The following ATP6V1H variants were observed in gnomAD, a reference collection of about 807,000 sequenced individuals.
The protein encoded by ATP6V1H is V-type proton ATPase subunit H.
A neutral mutation model predicts 71.7 loss-of-function variants in ATP6V1H; 39 were observed. The ratio of observed to expected loss-of-function variants is 0.54; its 90% confidence interval spans 0.42 to 0.71. The LOEUF is 0.71. ATP6V1H is among the 30% of genes least tolerant of loss of function. The pLI is 0.00. For synonymous variants in ATP6V1H, 192 were observed against 199.3 expected (o/e 0.96, Z 0.31); for missense variants, 509 against 594.9 (o/e 0.86, Z 1.50).
At chr8:53,832,941 G>A in intron 3 of ATP6V1H, 43 bp downstream of exon 3, 1 of 1,341,680 alleles carries the variant, frequency 7.5e-7, no homozygotes, top group Non-Finnish European at 1.0e-6. Context: ...TAAACTTTTG[G>A]ATGACACGGG....
At chr8:53,786,314 C>G (rs1268887673) in intron 9 of ATP6V1H, among the ~76,000 whole-genome samples, 1 of 152,196 alleles carries the variant, frequency 6.6e-6, no homozygotes, top group Non-Finnish European at 1.5e-5. Context: ...ATCGAGCCTC[C>G]GTGGGCACAG....
chr8:53,829,056 G>A (rs1481337152), intron 4 of ATP6V1H, among the ~76,000 whole-genome samples: 2 of 152,176 alleles, frequency 1.3e-5, no homozygotes, highest in African/African-American at 4.8e-5. Flanking sequence ...AACCTCCAGG[G>A]CCCGGCACTG....
intron 9 of ATP6V1H, among the ~76,000 whole-genome samples, chr8:53,782,084 A>C (rs1309087100): frequency 6.6e-6 from 1 of 152,200 alleles, no homozygotes; most frequent in African/African-American, 2.4e-5. Flanking sequence ...GAAGAAAGTC[A>C]TTGGTAGCTT....
Position 53,826,784 on chromosome 8 carries a change from T to TA in ATP6V1H, c.306+2659dup, listed in dbSNP as rs59062668. ...CAACATGGTAAAACCCCGTCTCTAC[T>TA]AAAAAAAAAAATATAAAAATTAGCC... On this transcript the variant is annotated intron_variant, in intron 4 of 13. Coordinates refer to ENST00000359530, the MANE Select transcript of ATP6V1H (RefSeq NM_015941.4). Among the ~76,000 whole-genome samples, 702 of 144,296 alleles carry TA rather than the reference T, an allele frequency of 4.9e-3. 20 individuals are homozygous for TA. In the East Asian group the frequency reaches 0.092, roughly 19 times the overall value. The allele number at this position is 144,296 out of a possible 152,430, so 94.7% of individuals were successfully genotyped here.
intron 6 of ATP6V1H, among the ~76,000 whole-genome samples, chr8:53,812,002 T>C (rs1585814310): frequency 6.6e-6 from 1 of 152,094 alleles, no homozygotes; most frequent in Non-Finnish European, 1.5e-5. Flanking sequence ...AAAACACTTG[T>C]GACAGAGAAA....
chr8:53,782,384 T>C lies in ATP6V1H; in HGVS notation c.871-10217A>G, dbSNP rs996761797. On this transcript the variant is annotated intron_variant, in intron 9 of 13. Transcript: ENST00000359530. Reference sequence around the variant, plus strand: ...TAGGAATGCTTGTGATTTTTGCACATTGATTTTGTATCCTGAGACTTTGCT... The same window carrying C: ...TAGGAATGCTTGTGATTTTTGCACACTGATTTTGTATCCTGAGACTTTGCT... Among the ~76,000 whole-genome samples, 742 of 151,972 alleles carry C rather than the reference T, an allele frequency of 4.9e-3. 8 individuals carry two copies. Among genetic ancestry groups the C allele is most frequent in the African/African-American group, 0.017 (706 of 41,350 alleles).
At chr8:53,753,274 G>C (rs1458791923) in intron 12 of ATP6V1H, among the ~76,000 whole-genome samples, 1 of 152,160 alleles carries the variant, frequency 6.6e-6, no homozygotes, top group African/African-American at 2.4e-5. Context: ...ACATAGAAAA[G>C]AATTAGCATG....
chr8:53,723,949 C>T (rs1179936456), intron 13 of ATP6V1H, among the ~76,000 whole-genome samples: 1 of 152,116 alleles, frequency 6.6e-6, no homozygotes, highest in African/African-American at 2.4e-5. Context: ...TATCACCAAC[C>T]CCCTCTGTCA....
intron 9 of ATP6V1H, among the ~76,000 whole-genome samples, chr8:53,794,066 T>C (rs566734460): frequency 6.6e-5 from 10 of 152,264 alleles, no homozygotes; most frequent in African/African-American, 2.4e-4. Context: ...CACCACCACA[T>C]GGCCATCAAT....
chr8:53,768,650 G>A (rs925237687), intron 11 of ATP6V1H, among the ~76,000 whole-genome samples: 10 of 152,008 alleles, frequency 6.6e-5, no homozygotes, highest in African/African-American at 2.4e-4. Context: ...GATGAGCCCT[G>A]AACACATTAC....
At chr8:53,748,887 A>C (rs1244271883) in intron 12 of ATP6V1H, among the ~76,000 whole-genome samples, 2 of 152,268 alleles carry the variant, frequency 1.3e-5, no homozygotes, top group Admixed American at 1.3e-4. Context: ...TGCCACTATC[A>C]ACACAATTTA....
intron 13 of ATP6V1H, among the ~76,000 whole-genome samples, chr8:53,718,844 T>C (rs769395964): frequency 6.6e-6 from 1 of 152,190 alleles, no homozygotes; most frequent in Non-Finnish European, 1.5e-5. Context: ...CAAGGACTCA[T>C]ATAGATGAAA....
chr8:53,771,896 A>G, intron 10 of ATP6V1H, 93 bp downstream of exon 10: 1 of 1,106,696 alleles, frequency 9.0e-7, no homozygotes, highest in Non-Finnish European at 1.3e-6. Context: ...TGATTTGTAT[A>G]GGTGACAACA....
intron 2 of ATP6V1H, 54 bp from the exon 3 acceptor site, chr8:53,833,140 G>A: frequency 1.4e-6 from 2 of 1,417,006 alleles, no homozygotes; most frequent in Non-Finnish European, 2.0e-6. Context: ...ATGTAAGCAA[G>A]CGATAGAGGA....
chr8:53,780,752 C>T (rs1029675515), intron 9 of ATP6V1H, among the ~76,000 whole-genome samples: 1 of 152,040 alleles, frequency 6.6e-6, no homozygotes, highest in Non-Finnish European at 1.5e-5. Context: ...CATGTGTTCT[C>T]ATTGTTCAAT....
At chr8:53,772,950 T>TA (rs1293001111) in intron 9 of ATP6V1H, among the ~76,000 whole-genome samples, 6 of 149,992 alleles carry the variant, frequency 4.0e-5, no homozygotes, top group Admixed American at 2.0e-4. Flanking sequence ...ACTCCAATTG[T>TA]AAAAAAACTT....
At chr8:53,808,162 T>C (rs987580285) in intron 7 of ATP6V1H, among the ~76,000 whole-genome samples, 4 of 152,202 alleles carry the variant, frequency 2.6e-5, no homozygotes. Context: ...CTCTTGCCTA[T>C]GCGTACTGTA....
rs1271296116 is a variant in ATP6V1H, at chr8:53,829,439, C to A, written c.306+5G>T. 6.3e-7 allele frequency: 1 copy of A among 1,591,672 alleles called. No individual in the cohort carries two copies. The highest frequency in any genetic ancestry group is 8.6e-7 in the Non-Finnish European group (1 of 1,164,830). ...CCAAATGTGTTAAGTAAAGAATATA[C>A]CTACCTGCAGCATATCATCCACCAT... On this transcript the variant is annotated splice_donor_5th_base_variant and intron_variant, in intron 4 of 13. Transcript: ENST00000359530.
chr8:53,822,183 C>T (rs1177246303), intron 4 of ATP6V1H, among the ~76,000 whole-genome samples: 1 of 152,064 alleles, frequency 6.6e-6, no homozygotes, highest in African/African-American at 2.4e-5. Flanking sequence ...AATTTTAATG[C>T]AAAAATTTAG....
Sources: gnomAD v4.1 joint callset for allele counts (sites outside exome capture counted in the v4.1 genomes callset) on GRCh38, gnomAD v4.1.1 for gene constraint, MANE v1.5 for transcripts, NCBI Gene and HGNC (gene_info 2026-07-23, HGNC 2026-07-21) for gene names.